The following RALGPS2 variants were observed in gnomAD, a reference collection of about 807,000 sequenced individuals.
The protein encoded by RALGPS2 is Ral GEF with PH domain and SH3 binding motif 2.
A neutral mutation model predicts 86.8 loss-of-function variants in RALGPS2; 43 were observed. The ratio of observed to expected loss-of-function variants is 0.50; its 90% CI spans 0.39 to 0.64. The LOEUF (loss-of-function observed/expected upper bound fraction) is 0.64, where lower values mean the gene tolerates loss of function less well. Ranked by LOEUF, RALGPS2 falls within the 30% of genes least tolerant of loss-of-function variation. RALGPS2 has a pLI of 0.00. For synonymous variants in RALGPS2, 243 were observed against 231.3 expected, an observed-to-expected ratio of 1.05 and a Z score of -0.46; for missense variants, 536 against 694.6, an observed-to-expected ratio of 0.77 and a Z score of 2.57.
At chr1:178,837,881 A>C (rs1230683359) in intron 8 of RALGPS2, among the ~76,000 whole-genome samples, 3 of 152,176 alleles carry the variant, frequency 2.0e-5, no homozygotes, top group Non-Finnish European at 4.4e-5. Flanking sequence ...AGGAGATTAG[A>C]TCCCGTGCCT....
chr1:178,844,964 G>C (rs1656796102), intron 8 of RALGPS2, among the ~76,000 whole-genome samples: 1 of 152,110 alleles, frequency 6.6e-6, no homozygotes, highest in South Asian at 2.1e-4. Flanking sequence ...TGGATCACCT[G>C]AGGTCAGGAG....
At chr1:178,905,030 C>G (rs140316894) in intron 18 of RALGPS2, among the ~76,000 whole-genome samples, 1 of 152,050 alleles carries the variant, frequency 6.6e-6, no homozygotes, top group Non-Finnish European at 1.5e-5. Flanking sequence ...TTTTTTTCAG[C>G]AGTGTTTTGT....
At chr1:178,895,665 G>A (rs1268546493) in intron 16 of RALGPS2, among the ~76,000 whole-genome samples, 1 of 151,978 alleles carries the variant, frequency 6.6e-6, no homozygotes, top group Non-Finnish European at 1.5e-5. Flanking sequence ...GGCAAAAGCT[G>A]GAGTTGTTTG....
intron 8 of RALGPS2, chr1:178,853,599 A>G: frequency 1.3e-6 from 2 of 1,594,900 alleles, no homozygotes; most frequent in Non-Finnish European, 1.7e-6. Context: ...TTTACCTTAT[A>G]ATTTTCCCAA....
At chr1:178,863,202 G>A (rs1658152558) in intron 8 of RALGPS2, among the ~76,000 whole-genome samples, 1 of 152,116 alleles carries the variant, frequency 6.6e-6, no homozygotes, top group Non-Finnish European at 1.5e-5. Flanking sequence ...GCACACAAGA[G>A]ACCAAAAAGG....
intron 7 of RALGPS2, among the ~76,000 whole-genome samples, chr1:178,823,929 A>T (rs1159619998): frequency 6.6e-6 from 1 of 152,172 alleles, no homozygotes; most frequent in Non-Finnish European, 1.5e-5. Context: ...GCTAGATGGG[A>T]TTACCTAAGG....
At chr1:178,865,165 A>G in intron 8 of RALGPS2, 2 of 1,609,126 alleles carry the variant, frequency 1.2e-6, no homozygotes, top group Non-Finnish European at 1.7e-6. Flanking sequence ...CTTGTCGGGA[A>G]AATATCCTCA....
Position 178,742,132 on chromosome 1 carries a change from C to CAAA in RALGPS2, c.-84+16730_-84+16732dup, listed in dbSNP as rs34861793. 2.3e-4 allele frequency among the ~76,000 whole-genome samples: 19 copies of CAAA among 82,456 alleles called. 1 individual carries two copies. Among genetic ancestry groups the CAAA allele is most frequent in the Admixed American group, 1.2e-3 (9 of 7,464 alleles). The allele number at this position is 82,456 out of a possible 152,430, so 54.1% of individuals were successfully genotyped here. On this transcript the variant is annotated intron_variant, in intron 1 of 19. Transcript: ENST00000367635. ...GCCTGGCAACAGAGCAAGATTCCGT[C>CAAA]AAAAAAAAAAAAAAAAAAAGAAGAA...
At chr1:178,742,591 C>T (rs1003561681) in intron 1 of RALGPS2, among the ~76,000 whole-genome samples, 3 of 152,184 alleles carry the variant, frequency 2.0e-5, no homozygotes, top group Non-Finnish European at 2.9e-5. Flanking sequence ...TTGAACAATA[C>T]TGTCAACCAA....
At chr1:178,758,394 A>G (rs183911344) in intron 1 of RALGPS2, among the ~76,000 whole-genome samples, 2 of 152,318 alleles carry the variant, frequency 1.3e-5, no homozygotes, top group Non-Finnish European at 1.5e-5. Flanking sequence ...CTTTGTTACA[A>G]GCAATCCAAT....
At chr1:178,860,909 G>A (rs1657958950) in intron 8 of RALGPS2, among the ~76,000 whole-genome samples, 2 of 152,108 alleles carry the variant, frequency 1.3e-5, no homozygotes, top group South Asian at 4.1e-4. Flanking sequence ...TTTTTTTCCA[G>A]ACAGATGTAA....
At chr1:178,812,563 C>G (rs1249620424) in intron 6 of RALGPS2, among the ~76,000 whole-genome samples, 2 of 152,144 alleles carry the variant, frequency 1.3e-5, no homozygotes, top group Non-Finnish European at 2.9e-5. Flanking sequence ...TGTCCGTAGG[C>G]CCTCTGAATA....
At position 178,752,345 on chromosome 1, in the gene RALGPS2, C is replaced by T. The variant is rs368053730; in HGVS notation, c.-83-24337C>T. 7.0e-5 allele frequency among the ~76,000 whole-genome samples: 10 copies of T among 143,176 alleles called. 1 individual carries two copies. Among genetic ancestry groups the T allele is most frequent in the African/African-American group, 1.4e-4 (5 of 35,370 alleles). The allele number at this position is 143,176 out of a possible 152,430, so 93.9% of individuals were successfully genotyped here. On this transcript the variant is annotated intron_variant, in intron 1 of 19. Transcript: ENST00000367635. ...TTTTTTTTTTTGTAGAGATTGGTGG[C>T]GGGGGGGAGGGTCTCACTTTGTTGC...
intron 8 of RALGPS2, chr1:178,851,013 T>G (rs1657137165): frequency 2.0e-6 from 2 of 1,011,370 alleles, no homozygotes; most frequent in African/African-American, 3.3e-5. Context: ...AAAATTCATT[T>G]TAAAAACTTT....
At chr1:178,825,002 GAAGA>G (rs1249749339) in intron 7 of RALGPS2, among the ~76,000 whole-genome samples, 1 of 152,078 alleles carries the variant, frequency 6.6e-6, no homozygotes, top group African/African-American at 2.4e-5. Context: ...TTGGAGATTT[GAAGA>G]AAGAAGAGAG....
chr1:178,860,042 T>A (rs1657890514), intron 8 of RALGPS2, among the ~76,000 whole-genome samples: 1 of 152,116 alleles, frequency 6.6e-6, no homozygotes, highest in Non-Finnish European at 1.5e-5. Context: ...AAGAGGCAAC[T>A]GGACCCCAGA....
intron 4 of RALGPS2, among the ~76,000 whole-genome samples, chr1:178,799,931 G>A (rs1195914035): frequency 2.6e-5 from 4 of 152,248 alleles, no homozygotes; most frequent in East Asian, 1.9e-4. Context: ...GATGTTACAC[G>A]TGAATTCACA....
rs182451343 is a variant in RALGPS2 at position 178,864,873 on chromosome 1, G to T, written c.608-12625G>T. 1.5e-3 allele frequency: 1,424 copies of T among 953,390 alleles called. 11 individuals carry two copies. The African/African-American group carries it at 0.021, about 14-fold the overall frequency. 59.1% of individuals were successfully genotyped at this position (953,390 alleles called of 1,614,324 possible). A position where few individuals can be genotyped will look rare whatever the true frequency, so the allele number is the denominator to read the frequency against. On this transcript the variant is annotated intron_variant, in intron 8 of 19. Coordinates refer to ENST00000367635, the MANE Select transcript of RALGPS2 (RefSeq NM_152663.5). ...ATATATAACATCGCAAAATGAATAA[G>T]CATTTATTATGAGCATTGTTTCATA... is the stretch of plus-strand genomic sequence containing the variant.
intron 17 of RALGPS2, among the ~76,000 whole-genome samples, chr1:178,901,287 A>G (rs955690999): frequency 2.6e-5 from 4 of 152,006 alleles, no homozygotes; most frequent in Admixed American, 6.6e-5. Context: ...AGAGGCATCC[A>G]CTTCTTCCCT....
Sources: allele counts gnomAD v4.1 joint callset (sites outside exome capture counted in the v4.1 genomes callset), GRCh38; gene constraint gnomAD v4.1.1; transcripts MANE v1.5; gene names NCBI Gene and HGNC (gene_info 2026-07-23, HGNC 2026-07-21).